ZNF557: variants seen among roughly 807,000 people sequenced by gnomAD.
The protein encoded by ZNF557 is zinc finger protein 557, also known as CTB-25J19.9.
Under a neutral mutation model 21.2 loss-of-function variants are expected in ZNF557, and 19 were observed. That is an observed-to-expected ratio of 0.90 (90% CI 0.63 to 1.32). The LOEUF (loss-of-function observed/expected upper bound fraction) is 1.32. Ranked by LOEUF, ZNF557 falls within the 40% of genes most tolerant of loss-of-function variation. The pLI is 0.00. For missense variants in ZNF557, 487 were observed against 519.8 expected (o/e 0.94, Z 0.61); for synonymous variants, 207 against 194.8 (o/e 1.06, Z -0.52).
intron 6 of ZNF557, 137 bp downstream of exon 6, chr19:7,081,592 C>T (rs747638517): frequency 2.3e-4 from 150 of 653,920 alleles, no homozygotes; most frequent in Non-Finnish European, 3.4e-4. Context: ...AGGCCAAGAA[C>T]GTTTGGTCTG....
chr19:7,080,266 T>C (rs2145173547), intron 5 of ZNF557, among the ~76,000 whole-genome samples: 1 of 152,248 alleles, frequency 6.6e-6, no homozygotes, highest in Non-Finnish European at 1.5e-5. Context: ...ATCACACCAC[T>C]GCACTCTAGC....
intron 2 of ZNF557, among the ~76,000 whole-genome samples, chr19:7,072,539 A>G (rs1211762947): frequency 6.6e-6 from 1 of 152,118 alleles, no homozygotes; most frequent in African/African-American, 2.4e-5. Flanking sequence ...ATACCTTTCA[A>G]AATACAACCT....
Position 7,083,486 on chromosome 19 carries a change from A to T in ZNF557, c.1035A>T (p.Glu345Asp), listed in dbSNP as rs766784059. 31 of 1,614,118 alleles carry T rather than the reference A, an allele frequency of 1.9e-5. No individual in the cohort carries two copies. In the East Asian group the frequency reaches 6.7e-4, roughly 35 times the overall value. ...LTQHIRTHTG[E>D]KPYTCNECGK... is the part of the protein sequence containing the mutation. The stretch of plus-strand genomic sequence containing the variant: ...AGCACATAAGAACTCATACTGGAGA[A>T]AAACCCTACACATGTAATGAGTGTG... The change falls in exon 8 of 8, where the codon GAA becomes GAT. Residue 345 changes from glutamate (E) to aspartate (D), a missense_variant. Physicochemically the swap from Glu to Asp is conservative, Grantham distance 45. Transcript: ENST00000252840.
chr19:7,070,590 T>G lies in ZNF557; in HGVS notation c.-143T>G, dbSNP rs1016246501. On this transcript the variant is annotated 5_prime_UTR_variant, in exon 2 of 8. It adds an upstream start codon to the 5' untranslated region. Transcript: ENST00000252840. ...AAAAAAGTATAATTCAAGCTCAGAT[T>G]TGTGTTGAAACCAGCCTCAAGTTTC... is the stretch of plus-strand genomic sequence containing the variant. 2.0e-5 allele frequency: 3 copies of G among 152,144 alleles called. No homozygotes were observed. Among genetic ancestry groups the G allele is most frequent in the African/African-American group, 7.2e-5 (3 of 41,420 alleles). 9.4% of individuals were successfully genotyped at this position (152,144 alleles called of 1,614,324 possible). A position where few individuals can be genotyped will look rare whatever the true frequency, so the allele number is the denominator to read the frequency against.
chr19:7,079,272 CA>C (rs1250448670), intron 5 of ZNF557, among the ~76,000 whole-genome samples: 80 of 141,026 alleles, frequency 5.7e-4, no homozygotes, highest in Non-Finnish European at 8.6e-4. Flanking sequence ...GATGGAGTCT[CA>C]CTCTGTCACC....
At position 7,087,150 on chromosome 19, in the gene ZNF557, ATTTTC is replaced by A. The variant is rs10596722; in HGVS notation, c.*3412_*3416del. ...GACACCGTCTGGCTTATTCTCATCT[ATTTTC>A]TTTTCATTCTTTTGGAAAGTGGACA... is the stretch of plus-strand genomic sequence containing the variant. On this transcript the variant is annotated 3_prime_UTR_variant, in exon 8 of 8. Coordinates refer to ENST00000252840, the MANE Select transcript of ZNF557 (RefSeq NM_024341.3). 61,364 of 136,854 alleles carry A rather than the reference ATTTTC, an allele frequency of 0.45. 12,954 individuals are homozygous for A. The highest frequency in any genetic ancestry group is 0.58 in the East Asian group (2,643 of 4,526). 8.5% of individuals were successfully genotyped at this position (136,854 alleles called of 1,614,324 possible).
chr19:7,076,253 G>T, intron 4 of ZNF557, 128 bp from the exon 5 acceptor site: 10 of 1,586,818 alleles, frequency 6.3e-6, no homozygotes, highest in Non-Finnish European at 8.6e-6. Flanking sequence ...CTCAGGAGAG[G>T]AGCTCAGAAT....
At position 7,083,423 on chromosome 19, in the gene ZNF557, T is replaced by C. The variant is rs1390664691; in HGVS notation, c.972T>C (p.Asp324=). ...HTGEYPYECH[D]CGRTFRRRSN... ...GGGAGTACCCTTACGAATGCCACGA[T>C]TGTGGGAGAACCTTCAGGAGGAGGT... The change falls in exon 8 of 8, where the codon GAT becomes GAC. Residue 324 remains aspartate, a synonymous_variant. Coordinates refer to ENST00000252840, the MANE Select transcript of ZNF557 (RefSeq NM_024341.3). The C allele has an allele frequency of 5.0e-6, 8 of 1,614,062 alleles. No individual in the cohort carries two copies. Among genetic ancestry groups the C allele is most frequent in the East Asian group, 2.2e-5 (1 of 44,874 alleles).
chr19:7,071,437 A>G (rs1297437033), intron 2 of ZNF557, among the ~76,000 whole-genome samples: 1 of 152,194 alleles, frequency 6.6e-6, no homozygotes, highest in African/African-American at 2.4e-5. Flanking sequence ...CCCCTATTGA[A>G]CAGCAAAGAT....
chr19:7,070,663 G>A lies in ZNF557; in HGVS notation c.-80+10G>A, dbSNP rs576778896. The A allele has an allele frequency of 2.6e-5, 4 of 152,224 alleles. No homozygotes were observed. The highest frequency in any genetic ancestry group is 9.6e-5 in the African/African-American group (4 of 41,512). 9.4% of individuals were successfully genotyped at this position (152,224 alleles called of 1,614,324 possible). A position where few individuals can be genotyped will look rare whatever the true frequency, so the allele number is the denominator to read the frequency against. On this transcript the variant is annotated intron_variant, in intron 2 of 7. Transcript: ENST00000252840. The stretch of plus-strand genomic sequence containing the variant: ...ACTTCTGTATGATCAGGTAGGTACC[G>A]TGTAGAACCTGCAAGTTGCAAGACT...
chr19:7,070,692 C>T (rs1459539744), intron 2 of ZNF557, 39 bp downstream of exon 2: 1 of 152,032 alleles, frequency 6.6e-6, no homozygotes, highest in African/African-American at 2.4e-5. Context: ...CAAGACTCCA[C>T]TGTGTAGAAA....
In ZNF557 at chr19:7,084,710, C is replaced by T. The variant is rs1465273926; in HGVS notation, c.*966C>T. The T allele has an allele frequency of 6.6e-6, 1 of 152,094 alleles. No homozygotes were observed. The highest frequency in any genetic ancestry group is 1.5e-5 in the Non-Finnish European group (1 of 68,028). 9.4% of individuals were successfully genotyped at this position (152,094 alleles called of 1,614,324 possible). On this transcript the variant is annotated 3_prime_UTR_variant, in exon 8 of 8. Coordinates refer to ENST00000252840, the MANE Select transcript of ZNF557 (RefSeq NM_024341.3). ...TCAATCACCCACAGGTTAACTCACTCTAGAGAGAAATCTTGTGAGTGTAAT... is the reference window on the plus strand; with the variant it reads ...TCAATCACCCACAGGTTAACTCACTTTAGAGAGAAATCTTGTGAGTGTAAT...
chr19:7,083,113 C>T lies in ZNF557; in HGVS notation c.662C>T (p.Ser221Phe), dbSNP rs1002255434. The T allele has an allele frequency of 6.2e-7, 1 of 1,614,178 alleles. No individual in the cohort carries two copies. Among genetic ancestry groups the T allele is most frequent in the Non-Finnish European group, 8.5e-7 (1 of 1,179,994 alleles). ...TGTGGGAAAACCTTCAGCAGCAGAT[C>T]TTACCTTACTGTTCATAAGAGAATC... Reference protein sequence around the residue: ...NDCGKTFSSRSYLTVHKRIHN... With the variant: ...NDCGKTFSSRFYLTVHKRIHN... Residue 221 changes from serine (S) to phenylalanine (F), a missense_variant, in exon 8 of 8, where the codon TCT becomes TTT. Transcript: ENST00000252840.
chr19:7,074,249 G>A (rs984579759), intron 2 of ZNF557, among the ~76,000 whole-genome samples: 3 of 150,814 alleles, frequency 2.0e-5, no homozygotes, highest in African/African-American at 7.3e-5. Context: ...CTCGTGATCC[G>A]CCCGCCTCGG....
intron 2 of ZNF557, among the ~76,000 whole-genome samples, chr19:7,071,731 C>G (rs532093127): frequency 7.5e-6 from 1 of 133,418 alleles, no homozygotes; most frequent in African/African-American, 2.9e-5. Flanking sequence ...GCCTGGGAGG[C>G]GGAGACTGCA....
chr19:7,074,353 C>CACACACAT lies in ZNF557; in HGVS notation c.-79-638_-79-637insCATACACA. On this transcript the variant is annotated intron_variant, in intron 2 of 7. Transcript: ENST00000252840. ...ATATACACACACACACACACACACA[C>CACACACAT]ACACAGCCCTTCTTTTCTCATAAAA... Among the ~76,000 whole-genome samples, 3 of 151,314 alleles carry CACACACAT rather than the reference C, an allele frequency of 2.0e-5. No homozygotes were observed. The East Asian group carries it at 5.8e-4, about 29-fold the overall frequency.
chr19:7,078,715 C>T (rs1400187217), intron 5 of ZNF557, among the ~76,000 whole-genome samples: 3 of 152,088 alleles, frequency 2.0e-5, no homozygotes, highest in Non-Finnish European at 4.4e-5. Flanking sequence ...TAGAGCGTGA[C>T]CCATTGCACC....
At chr19:7,075,153 CCT>C (rs775278208) in intron 3 of ZNF557, 48 bp downstream of exon 3, 2 of 1,613,386 alleles carry the variant, frequency 1.2e-6, no homozygotes, top group East Asian at 4.5e-5. Flanking sequence ...CTTGAAAGGT[CCT>C]GACCCACAGC....
In ZNF557 at chr19:7,083,819, A is replaced by G; in HGVS notation, c.*75A>G. 3 of 1,501,406 alleles carry G rather than the reference A, an allele frequency of 2.0e-6. No homozygotes were observed. Among genetic ancestry groups the G allele is most frequent in the African/African-American group, 1.4e-5 (1 of 71,538 alleles). 93.0% of individuals were successfully genotyped at this position (1,501,406 alleles called of 1,614,324 possible). ...ACATGAGCAAACTCTAACAAGATGT[A>G]TGAATCACCTGCTACTGTGTAACAA... is the stretch of plus-strand genomic sequence containing the variant. On this transcript the variant is annotated 3_prime_UTR_variant, in exon 8 of 8. Coordinates refer to ENST00000252840, the MANE Select transcript of ZNF557 (RefSeq NM_024341.3).
Sources: allele counts gnomAD v4.1 joint callset (sites outside exome capture counted in the v4.1 genomes callset), GRCh38; gene constraint gnomAD v4.1.1; transcripts MANE v1.5; gene names NCBI Gene and HGNC (gene_info 2026-07-23, HGNC 2026-07-21).